The following THOC7 variants were observed in gnomAD, a reference collection of about 807,000 sequenced individuals.
The protein encoded by THOC7 is NIF3L1-binding protein 1.
In THOC7, 22 loss-of-function variants were observed where a neutral mutation model predicts 33.1. The observed-to-expected ratio is 0.66, with a 90% CI of 0.47 to 0.95. THOC7 has a LOEUF of 0.95. Ranked by LOEUF, THOC7 falls within the 40% of genes least tolerant of loss-of-function variation. THOC7 has a pLI of 0.00. For missense variants in THOC7, 184 were observed against 245.3 expected, an observed-to-expected ratio of 0.75 and a Z score of 1.67; for synonymous variants, 77 against 76.8, an observed-to-expected ratio of 1.00 and a Z score of -0.01.
At chr3:63,854,515 A>G (rs1006873618) in intron 1 of THOC7, 7 of 152,122 alleles carry the variant, frequency 4.6e-5, no homozygotes, top group Non-Finnish European at 8.8e-5. Context: ...TATTTTTTTT[A>G]TGTTATCAAC....
At chr3:63,834,254 T>A (rs1701581350) in intron 7 of THOC7, 55 bp from the exon 8 acceptor site, 1 of 1,536,424 alleles carries the variant, frequency 6.5e-7, no homozygotes, top group South Asian at 1.1e-5. Context: ...TATTTTATAT[T>A]CGATGAACAC....
At chr3:63,844,255 G>C (rs779225068) in intron 1 of THOC7, among the ~76,000 whole-genome samples, 2 of 152,180 alleles carry the variant, frequency 1.3e-5, no homozygotes, top group African/African-American at 4.8e-5. Context: ...CTTACAGTTA[G>C]GCAAGAGCAA....
At chr3:63,852,285 T>C (rs1158879742) in intron 1 of THOC7, among the ~76,000 whole-genome samples, 1 of 152,184 alleles carries the variant, frequency 6.6e-6, no homozygotes, top group East Asian at 1.9e-4. Context: ...ACTAGTGCAG[T>C]GCTGAGCAGT....
chr3:63,838,261 A>T (rs1575803344), intron 3 of THOC7, 111 bp downstream of exon 3: 1 of 936,870 alleles, frequency 1.1e-6, no homozygotes, highest in Admixed American at 3.1e-5. Context: ...TCTTTCCATT[A>T]ATACAGTAAT....
intron 1 of THOC7, among the ~76,000 whole-genome samples, chr3:63,849,995 A>C (rs538914237): frequency 6.6e-6 from 1 of 152,354 alleles, no homozygotes; most frequent in Non-Finnish European, 1.5e-5. Context: ...AGAGACAATC[A>C]AACTGCAAAT....
At position 63,862,582 on chromosome 3, in the gene THOC7, C is replaced by T. The variant is rs191029591; in HGVS notation, c.19+1190G>A. Among the ~76,000 whole-genome samples the T allele has an allele frequency of 1.2e-4, 18 of 152,278 alleles. No individual in the cohort carries two copies. In the East Asian group the frequency reaches 1.7e-3, roughly 15 times the overall value. ...CAAAGCTGAAATTCCACATGAAGTT[C>T]CTGGGTCTTTAGTAGCCTCCCACCT... is the stretch of plus-strand genomic sequence containing the variant. On this transcript the variant is annotated intron_variant, in intron 1 of 7. Coordinates refer to ENST00000295899, the MANE Select transcript of THOC7 (RefSeq NM_025075.4).
intron 1 of THOC7, chr3:63,860,728 GTTCT>G (rs1702193913): frequency 6.6e-6 from 1 of 152,060 alleles, no homozygotes; most frequent in Non-Finnish European, 1.5e-5. Flanking sequence ...TAATCTCAAT[GTTCT>G]TTTTGTCTTG....
At chr3:63,849,625 A>G in intron 1 of THOC7, among the ~76,000 whole-genome samples, 1 of 152,286 alleles carries the variant, frequency 6.6e-6, no homozygotes, top group African/African-American at 2.4e-5. Context: ...TTCTTGCTGC[A>G]CTTTTATAAA....
chr3:63,846,426 A>T (rs832186), intron 1 of THOC7, among the ~76,000 whole-genome samples: 2 of 151,910 alleles, frequency 1.3e-5, no homozygotes. Context: ...TATTTTTTTT[A>T]GACGGAGTTT....
At chr3:63,836,952 T>C (rs1383857137) in intron 4 of THOC7, among the ~76,000 whole-genome samples, 1 of 151,880 alleles carries the variant, frequency 6.6e-6, no homozygotes, top group Non-Finnish European at 1.5e-5. Flanking sequence ...ACGAAAACAC[T>C]GCAAAATATT....
chr3:63,863,753 G>T lies in THOC7; in HGVS notation c.19+19C>A. On this transcript the variant is annotated intron_variant, in intron 1 of 7. Transcript: ENST00000295899. ...GCGGGCCGTGCAGCGGGCGCGTGTG[G>T]CGGCGAGCGGGGCCTCACCGTCAGT... 8.0e-7 allele frequency: 1 copy of T among 1,250,580 alleles called. No individual in the cohort carries two copies. The highest frequency in any genetic ancestry group is 1.0e-6 in the Non-Finnish European group (1 of 1,004,020). The allele number at this position is 1,250,580 out of a possible 1,614,324, so 77.5% of individuals were successfully genotyped here. A position where few individuals can be genotyped will look rare whatever the true frequency, so the allele number is the denominator to read the frequency against.
At chr3:63,855,696 T>C (rs1172653690) in intron 1 of THOC7, among the ~76,000 whole-genome samples, 2 of 152,190 alleles carry the variant, frequency 1.3e-5, no homozygotes, top group African/African-American at 4.8e-5. Context: ...CCAGAGGCAA[T>C]AGCATCATTG....
At chr3:63,836,216 T>C in intron 5 of THOC7, 85 bp downstream of exon 5, 1 of 1,288,726 alleles carries the variant, frequency 7.8e-7, no homozygotes, top group Non-Finnish European at 1.1e-6. Flanking sequence ...ACATATTTAT[T>C]TCTGCAAAAA....
At chr3:63,851,417 T>A (rs1702018445) in intron 1 of THOC7, among the ~76,000 whole-genome samples, 1 of 152,208 alleles carries the variant, frequency 6.6e-6, no homozygotes, top group Non-Finnish European at 1.5e-5. Context: ...TGTTTTGGAC[T>A]AAGTTCTTGT....
intron 1 of THOC7, among the ~76,000 whole-genome samples, chr3:63,855,014 A>G (rs540023663): frequency 4.9e-4 from 75 of 152,234 alleles, no homozygotes; most frequent in African/African-American, 1.6e-3. Flanking sequence ...TCTCAAAAAA[A>G]AAAAAAAGAA....
At chr3:63,864,105 C>T (rs1218245715), upstream of THOC7, among the ~76,000 whole-genome samples, 1 of 147,064 alleles carries the variant, frequency 6.8e-6, no homozygotes, top group African/African-American at 2.5e-5. Context: ...CCCCTTGCAG[C>T]CCCCGCCCGG....
chr3:63,849,029 A>ATC (rs2107148569), intron 1 of THOC7, among the ~76,000 whole-genome samples: 1 of 152,332 alleles, frequency 6.6e-6, no homozygotes, highest in Non-Finnish European at 1.5e-5. Context: ...ACAGGATACA[A>ATC]TTGGAAACAG....
intron 1 of THOC7, among the ~76,000 whole-genome samples, chr3:63,850,585 C>CT (rs61611564): frequency 0.038 from 4,473 of 116,808 alleles, 221 homozygotes; most frequent in African/African-American, 0.094. Flanking sequence ...TCTTTCTTTC[C>CT]TTTTTTTTTT....
chr3:63,849,989 A>G (rs1271864453), intron 1 of THOC7, among the ~76,000 whole-genome samples: 2 of 152,210 alleles, frequency 1.3e-5, no homozygotes, highest in Non-Finnish European at 2.9e-5. Flanking sequence ...CACACCAGAG[A>G]CAATCAAACT....
Sources: allele counts gnomAD v4.1 joint callset (sites outside exome capture counted in the v4.1 genomes callset), GRCh38; gene constraint gnomAD v4.1.1; transcripts MANE v1.5; gene names NCBI Gene and HGNC (gene_info 2026-07-23, HGNC 2026-07-21).